HLTF: variants seen among roughly 807,000 people sequenced by gnomAD.
HLTF encodes the protein DNA-dependent ATPase/E3 ubiquitin-protein ligase HLTF.
A neutral mutation model predicts 129.4 loss-of-function variants in HLTF; 127 were observed. The observed-to-expected ratio is 0.98, with a 90% CI of 0.85 to 1.14. HLTF has a LOEUF of 1.14. Among genes scored for constraint, HLTF ranks in the 50% most tolerant of loss-of-function variants. HLTF has a pLI of 0.00. For missense variants in HLTF, 1,139 were observed against 1,187.1 expected, an observed-to-expected ratio of 0.96 and a Z score of 0.60; for synonymous variants, 332 against 388.8, an observed-to-expected ratio of 0.85 and a Z score of 1.72.
At chr3:149,059,224 A>G (rs1245998825) in intron 13 of HLTF, among the ~76,000 whole-genome samples, 1 of 152,214 alleles carries the variant, frequency 6.6e-6, no homozygotes, top group Non-Finnish European at 1.5e-5. Context: ...GGGCAGAGAT[A>G]TAATTTGTCT....
intron 2 of HLTF, among the ~76,000 whole-genome samples, chr3:149,077,658 G>A (rs1054024642): frequency 8.6e-5 from 13 of 151,364 alleles, no homozygotes; most frequent in South Asian, 6.3e-4. Context: ...CTAGAAGGCC[G>A]TAAGCAAGCA....
chr3:149,047,463 G>A (rs1242241600), intron 17 of HLTF, among the ~76,000 whole-genome samples: 2 of 152,058 alleles, frequency 1.3e-5, no homozygotes, highest in Non-Finnish European at 2.9e-5. Context: ...CCAACATGGC[G>A]AAACCCCATC....
intron 2 of HLTF, among the ~76,000 whole-genome samples, chr3:149,077,354 G>A (rs936878606): frequency 1.2e-4 from 18 of 152,108 alleles, no homozygotes; most frequent in African/African-American, 4.3e-4. Flanking sequence ...AAAGAGAATG[G>A]AGTTACAGTT....
intron 24 of HLTF, among the ~76,000 whole-genome samples, chr3:149,032,856 G>A (rs1272688670): frequency 6.6e-6 from 1 of 151,612 alleles, no homozygotes; most frequent in Non-Finnish European, 1.5e-5. Flanking sequence ...CCAGCTACTC[G>A]GGAGGCTGAG....
In HLTF at chr3:149,040,159, A is replaced by C; in HGVS notation, c.2377-3T>G. On this transcript the variant is annotated splice_region_variant and splice_polypyrimidine_tract_variant and intron_variant, in intron 20 of 24. Coordinates refer to ENST00000310053, the MANE Select transcript of HLTF (RefSeq NM_003071.4). Reference sequence around the variant, plus strand: ...CATAAAGGGCATTTAGCATGTGGCTATATAAGAAAGAACGAAGTATGAGCA... The same window carrying C: ...CATAAAGGGCATTTAGCATGTGGCTCTATAAGAAAGAACGAAGTATGAGCA... 6.2e-7 allele frequency: 1 copy of C among 1,604,204 alleles called. No individual in the cohort carries two copies.
chr3:149,073,987 A>AT (rs1432475963), intron 4 of HLTF, among the ~76,000 whole-genome samples: 2 of 152,148 alleles, frequency 1.3e-5, no homozygotes, highest in East Asian at 3.9e-4. Context: ...TTTTTCTTTA[A>AT]TTTTTTTAAT....
chr3:149,081,149 T>C (rs1393134693), intron 2 of HLTF, among the ~76,000 whole-genome samples: 2 of 152,026 alleles, frequency 1.3e-5, no homozygotes, highest in Non-Finnish European at 2.9e-5. Flanking sequence ...AGTATCTTCA[T>C]TGTTAAGCAA....
rs1354477482 is a variant in HLTF at position 149,076,048 on chromosome 3, C to T, written c.229-1G>A. Reference sequence around the variant, plus strand: ...ATGCAACCATTTCATTATTATTAACCTAATAAAAATGATAAACAGATAATA... The same window carrying T: ...ATGCAACCATTTCATTATTATTAACTTAATAAAAATGATAAACAGATAATA... On this transcript the variant is annotated splice_acceptor_variant, in intron 2 of 24. Transcript: ENST00000310053. LOFTEE classifies it high-confidence loss of function. 8 of 1,178,902 alleles carry T rather than the reference C, an allele frequency of 6.8e-6. No homozygotes were observed. The highest frequency in any genetic ancestry group is 6.4e-5 in the Admixed American group (3 of 47,092). 73.0% of individuals were successfully genotyped at this position (1,178,902 alleles called of 1,614,324 possible).
In HLTF at chr3:149,039,153, G is replaced by C; in HGVS notation, c.2692C>G (p.Gln898Glu). ...GTTGGAGATCCTGCTTCAGTGTTTT[G>C]AAAACACTGAATTGATTCAACTCTT... ...KKRVESIQCF[Q>E]NTEAGSPTIM... is the part of the protein sequence containing the mutation. The change falls in exon 23 of 25, where the codon CAA (glutamine) becomes GAA (glutamate). Residue 898 changes from glutamine to glutamate, a missense_variant. Transcript: ENST00000310053. 1 of 1,611,538 alleles carries C rather than the reference G, an allele frequency of 6.2e-7. No homozygotes were observed. Among genetic ancestry groups the C allele is most frequent in the East Asian group, 2.2e-5 (1 of 44,732 alleles).
chr3:149,062,936 T>C, intron 10 of HLTF: 1 of 356,750 alleles, frequency 2.8e-6, no homozygotes, highest in Non-Finnish European at 5.6e-6. Flanking sequence ...ATCATTCTTC[T>C]TCATCTGTAA....
At chr3:149,069,486 AAG>A (rs1553743251) in intron 7 of HLTF, among the ~76,000 whole-genome samples, 1 of 150,586 alleles carries the variant, frequency 6.6e-6, no homozygotes, top group African/African-American at 2.5e-5. Flanking sequence ...AAAAAAAAAA[AAG>A]AAGAAGAATG....
chr3:149,075,757 C>A, intron 3 of HLTF, 124 bp downstream of exon 3: 2 of 525,910 alleles, frequency 3.8e-6, no homozygotes, highest in Non-Finnish European at 3.2e-6. Context: ...TTATTTAACA[C>A]GTACCAAAAG....
chr3:149,063,044 G>T, intron 10 of HLTF: 1 of 456,502 alleles, frequency 2.2e-6, no homozygotes, highest in South Asian at 1.5e-5. Flanking sequence ...AAGGGTCATG[G>T]TCATCTCTAT....
In HLTF at chr3:149,048,111, T is replaced by TA; in HGVS notation, c.1808dup (p.Leu603PhefsTer4). On this transcript the variant is annotated frameshift_variant, in exon 17 of 25. Transcript: ENST00000310053. LOFTEE classifies it high-confidence loss of function. Reference sequence around the variant, plus strand: ...CTCTATCAATAAATGGTTTAAGTTTTAAAAAGGAAAGAAGAGACCACAAGT... The same window carrying TA: ...CTCTATCAATAAATGGTTTAAGTTTTAAAAAAGGAAAGAAGAGACCACAAGT... 1 of 1,612,828 alleles carries TA rather than the reference T, an allele frequency of 6.2e-7. No homozygotes were observed. Among genetic ancestry groups the TA allele is most frequent in the Non-Finnish European group, 8.5e-7 (1 of 1,179,284 alleles).
At chr3:149,076,814 A>G (rs966400247) in intron 2 of HLTF, among the ~76,000 whole-genome samples, 1 of 152,210 alleles carries the variant, frequency 6.6e-6, no homozygotes, top group Non-Finnish European at 1.5e-5. Context: ...AACTAGATAA[A>G]TTATTTGTCA....
Position 149,086,427 on chromosome 3 carries a change from C to G in HLTF, c.-91G>C, listed in dbSNP as rs1161134415. On this transcript the variant is annotated 5_prime_UTR_variant, in exon 1 of 25. Coordinates refer to ENST00000310053, the MANE Select transcript of HLTF (RefSeq NM_003071.4). ...ACGCCTCCTTCCAGGCCCCGCAGCC[C>G]TGAAGCCGGGGACAAATTCCGAGCG... 6.9e-7 allele frequency: 1 copy of G among 1,456,810 alleles called. No individual in the cohort carries two copies. Among genetic ancestry groups the G allele is most frequent in the Non-Finnish European group, 9.4e-7 (1 of 1,066,304 alleles). 90.2% of individuals were successfully genotyped at this position (1,456,810 alleles called of 1,614,324 possible). A position where few individuals can be genotyped will look rare whatever the true frequency, so the allele number is the denominator to read the frequency against.
chr3:149,054,685 A>C (rs1026934997), intron 14 of HLTF, among the ~76,000 whole-genome samples: 4 of 152,206 alleles, frequency 2.6e-5, no homozygotes, highest in Admixed American at 6.5e-5. Flanking sequence ...ACAGAAAAGC[A>C]ATCTGGAAAA....
intron 15 of HLTF, among the ~76,000 whole-genome samples, chr3:149,049,218 T>C (rs1278186309): frequency 6.6e-6 from 1 of 152,212 alleles, no homozygotes; most frequent in Non-Finnish European, 1.5e-5. Flanking sequence ...AAGCACAAAC[T>C]GCTAAGTAAG....
chr3:149,043,547 G>GGAA (rs1553738373), intron 18 of HLTF, among the ~76,000 whole-genome samples: 2 of 83,680 alleles, frequency 2.4e-5, no homozygotes, highest in Non-Finnish European at 5.1e-5. Flanking sequence ...ACTTCAGAGG[G>GGAA]AAAAAAAAAA....
Sources: gnomAD v4.1 joint callset for allele counts (sites outside exome capture counted in the v4.1 genomes callset) on GRCh38, gnomAD v4.1.1 for gene constraint, MANE v1.5 for transcripts, NCBI Gene and HGNC (gene_info 2026-07-23, HGNC 2026-07-21) for gene names.